SEC24D: variants seen among roughly 807,000 people sequenced by gnomAD.
SEC24D encodes the protein protein transport protein Sec24D.
SEC24D carries 69 observed loss-of-function variants against 116.9 expected under a neutral mutation model. That is an observed-to-expected ratio of 0.59 (90% CI 0.49 to 0.72). The LOEUF (loss-of-function observed/expected upper bound fraction) is 0.72. SEC24D is among the 30% of genes least tolerant of loss of function. The pLI, the probability that SEC24D is intolerant of heterozygous loss-of-function variation, is 0.00. For missense variants in SEC24D, 1,131 were observed against 1,264.1 expected, an observed-to-expected ratio of 0.89 and a Z score of 1.60; for synonymous variants, 405 against 442.8, an observed-to-expected ratio of 0.91 and a Z score of 1.07.
intron 21 of SEC24D, 162 bp downstream of exon 21, chr4:118,731,154 C>T (rs1266229051): frequency 3.1e-6 from 2 of 639,132 alleles, no homozygotes; most frequent in East Asian, 5.6e-5. Flanking sequence ...TAACTTTATA[C>T]CAGCTAATTG....
chr4:118,776,465 A>G (rs1011296386), intron 8 of SEC24D, among the ~76,000 whole-genome samples: 2 of 152,186 alleles, frequency 1.3e-5, no homozygotes, highest in African/African-American at 4.8e-5. Context: ...ATAAATACCA[A>G]TGCAGTTAAG....
At chr4:118,738,054 C>T (rs1284086702) in intron 19 of SEC24D, 1 of 486,296 alleles carries the variant, frequency 2.1e-6, no homozygotes, top group Non-Finnish European at 3.7e-6. Context: ...ATATGCACAT[C>T]CATTTTTTTT....
chr4:118,804,809 C>T (rs1729598793), intron 7 of SEC24D, among the ~76,000 whole-genome samples: 1 of 151,316 alleles, frequency 6.6e-6, no homozygotes, highest in African/African-American at 2.4e-5. Context: ...ATCTACAACA[C>T]CTATAATTTA....
chr4:118,796,006 T>C (rs1729164225), intron 8 of SEC24D, among the ~76,000 whole-genome samples: 1 of 152,218 alleles, frequency 6.6e-6, no homozygotes, highest in Non-Finnish European at 1.5e-5. Context: ...TAGTATTTAG[T>C]ATTAAGTGTC....
chr4:118,778,367 C>A (rs1008786122), intron 8 of SEC24D, among the ~76,000 whole-genome samples: 7 of 152,146 alleles, frequency 4.6e-5, no homozygotes, highest in African/African-American at 1.2e-4. Flanking sequence ...ACAGGGAAAC[C>A]TTTCCCCATT....
intron 15 of SEC24D, among the ~76,000 whole-genome samples, chr4:118,743,322 A>G (rs1048523900): frequency 4.6e-5 from 7 of 150,888 alleles, no homozygotes; most frequent in Non-Finnish European, 8.8e-5. Flanking sequence ...GGAATTGCCG[A>G]ACCATAAATA....
Position 118,752,792 on chromosome 4 carries a change from A to G in SEC24D, c.1518T>C (p.Pro506=). 1 of 1,612,024 alleles carries G rather than the reference A, an allele frequency of 6.2e-7. No individual in the cohort carries two copies. Among genetic ancestry groups the G allele is most frequent in the African/African-American group, 1.3e-5 (1 of 74,906 alleles). ...FFNVKSNLAQ[P]QMMVVTDVGE... Reference sequence around the variant, plus strand: ...CAACATCAGTCACCACCATCATCTGAGGCTGGGCCAGATTACTCTTCACAT... The same window carrying G: ...CAACATCAGTCACCACCATCATCTGGGGCTGGGCCAGATTACTCTTCACAT... Residue 506 remains proline (P), a synonymous_variant, in exon 12 of 23, where the codon CCT becomes CCC. Transcript: ENST00000280551.
intron 10 of SEC24D, among the ~76,000 whole-genome samples, chr4:118,763,057 T>C (rs540479174): frequency 2.6e-5 from 4 of 152,174 alleles, no homozygotes; most frequent in African/African-American, 7.2e-5. Context: ...CTTTCTTACA[T>C]TGAATTAAAA....
At chr4:118,822,406 T>A (rs1284720418) in intron 3 of SEC24D, among the ~76,000 whole-genome samples, 1 of 152,120 alleles carries the variant, frequency 6.6e-6, no homozygotes, top group Non-Finnish European at 1.5e-5. Flanking sequence ...GTTTACTCAC[T>A]CCTAAGCAAC....
intron 8 of SEC24D, among the ~76,000 whole-genome samples, chr4:118,782,109 A>G (rs1446515946): frequency 6.6e-6 from 1 of 152,218 alleles, no homozygotes; most frequent in Admixed American, 6.5e-5. Flanking sequence ...GTCATTCTCC[A>G]TCTAGCTTTG....
intron 10 of SEC24D, among the ~76,000 whole-genome samples, chr4:118,760,927 C>T (rs1727349979): frequency 6.6e-6 from 1 of 151,654 alleles, no homozygotes; most frequent in African/African-American, 2.4e-5. Flanking sequence ...CTATGTTGGC[C>T]AGGTTGGTCT....
At chr4:118,755,195 A>T (rs1727026875) in intron 11 of SEC24D, among the ~76,000 whole-genome samples, 1 of 152,130 alleles carries the variant, frequency 6.6e-6, no homozygotes, top group African/African-American at 2.4e-5. Flanking sequence ...GCCTTATTAA[A>T]TCATATCCAG....
At chr4:118,759,835 T>C (rs1005404166) in intron 10 of SEC24D, among the ~76,000 whole-genome samples, 6 of 152,326 alleles carry the variant, frequency 3.9e-5, no homozygotes, top group Admixed American at 1.3e-4. Flanking sequence ...CTTCAAATTC[T>C]TTCTCATCAT....
chr4:118,738,688 C>T (rs1188294610), intron 18 of SEC24D, among the ~76,000 whole-genome samples: 3 of 152,134 alleles, frequency 2.0e-5, no homozygotes, highest in Non-Finnish European at 4.4e-5. Context: ...TGAATTCTTA[C>T]GGGCTGGATT....
chr4:118,725,253 A>G (rs1436324329), intron 22 of SEC24D, among the ~76,000 whole-genome samples: 1 of 152,208 alleles, frequency 6.6e-6, no homozygotes, highest in Non-Finnish European at 1.5e-5. Context: ...TGGCACTGGA[A>G]TAGCTGTGTG....
chr4:118,757,970 G>A (rs1727192545), intron 10 of SEC24D, 125 bp from the exon 11 acceptor site: 2 of 707,858 alleles, frequency 2.8e-6, no homozygotes, highest in East Asian at 6.0e-5. Flanking sequence ...TACCATCTGT[G>A]GAATTAAATC....
At chr4:118,780,594 G>A (rs746228389) in intron 8 of SEC24D, among the ~76,000 whole-genome samples, 30 of 152,210 alleles carry the variant, frequency 2.0e-4, no homozygotes, top group Admixed American at 9.2e-4. Flanking sequence ...TGGGGTGGAG[G>A]GTTCTGTAGA....
At chr4:118,764,246 T>A (rs1162267314) in intron 10 of SEC24D, among the ~76,000 whole-genome samples, 1 of 152,130 alleles carries the variant, frequency 6.6e-6, no homozygotes, top group African/African-American at 2.4e-5. Flanking sequence ...CAATAGAGGT[T>A]TATGAGAGGC....
At position 118,799,253 on chromosome 4, in the gene SEC24D, C is replaced by T. The variant is rs74679888; in HGVS notation, c.914-1443G>A. Among the ~76,000 whole-genome samples the T allele has an allele frequency of 3.2e-4, 49 of 152,178 alleles. 2 individuals carry two copies. In the East Asian group the frequency reaches 8.3e-3, roughly 26 times the overall value. The stretch of plus-strand genomic sequence containing the variant: ...TGTGAGAGAGCGTGATGGTCAAGAA[C>T]GACTCTTAAGATTGCTGGCCTGAGA... On this transcript the variant is annotated intron_variant, in intron 7 of 22. Transcript: ENST00000280551.
Sources: allele counts gnomAD v4.1 joint callset (sites outside exome capture counted in the v4.1 genomes callset), GRCh38; gene constraint gnomAD v4.1.1; transcripts MANE v1.5; gene names NCBI Gene and HGNC (gene_info 2026-07-23, HGNC 2026-07-21).